The following SLCO3A1 variants were observed in gnomAD, a reference collection of about 807,000 sequenced individuals.
SLCO3A1 encodes solute carrier organic anion transporter family member 3A1.
Under a neutral mutation model 63.1 loss-of-function variants are expected in SLCO3A1, and 27 were observed. That is an observed-to-expected ratio of 0.43 (90% CI 0.32 to 0.59). The LOEUF (loss-of-function observed/expected upper bound fraction) is 0.59. Among genes scored for constraint, SLCO3A1 ranks in the 20% least tolerant of loss-of-function variants. The pLI, the probability that SLCO3A1 is intolerant of heterozygous loss-of-function variation, is 0.09. For synonymous variants in SLCO3A1, 473 were observed against 409.9 expected (o/e 1.15, Z -1.86); for missense variants, 773 against 945.8 (o/e 0.82, Z 2.40).
chr15:92,071,897 C>T (rs2047219952), intron 2 of SLCO3A1, among the ~76,000 whole-genome samples: 1 of 152,208 alleles, frequency 6.6e-6, no homozygotes, highest in South Asian at 2.1e-4. Context: ...GCGTGATGAG[C>T]TCTTGTTCCT....
chr15:92,135,904 G>A (rs2048051337), intron 7 of SLCO3A1, among the ~76,000 whole-genome samples: 2 of 152,154 alleles, frequency 1.3e-5, no homozygotes, highest in South Asian at 4.1e-4. Context: ...ATGGTGGCAT[G>A]CCTCTGTAAT....
At chr15:92,095,751 G>A (rs1391839384) in intron 3 of SLCO3A1, among the ~76,000 whole-genome samples, 10 of 152,114 alleles carry the variant, frequency 6.6e-5, no homozygotes, top group Admixed American at 5.2e-4. Context: ...TTGGCTCATC[G>A]TGGTGACCTG....
At chr15:92,154,770 G>A (rs1192187658) in intron 9 of SLCO3A1, among the ~76,000 whole-genome samples, 1 of 152,166 alleles carries the variant, frequency 6.6e-6, no homozygotes, top group Non-Finnish European at 1.5e-5. Flanking sequence ...TGGAGTAGAA[G>A]CAGGAGTGTG....
chr15:91,964,742 AG>A (rs1210753993), intron 2 of SLCO3A1, among the ~76,000 whole-genome samples: 213 of 150,966 alleles, frequency 1.4e-3, no homozygotes, highest in African/African-American at 5.0e-3. Context: ...AAAATTAGAT[AG>A]TTTTTTTTTT....
At chr15:92,058,797 T>G (rs1401652236) in intron 2 of SLCO3A1, among the ~76,000 whole-genome samples, 1 of 152,116 alleles carries the variant, frequency 6.6e-6, no homozygotes, top group East Asian at 1.9e-4. Flanking sequence ...TAAGGAAGAA[T>G]CTGTGCCTGC....
At chr15:91,905,085 A>T (rs1007641591) in intron 1 of SLCO3A1, among the ~76,000 whole-genome samples, 3 of 152,192 alleles carry the variant, frequency 2.0e-5, no homozygotes, top group Non-Finnish European at 4.4e-5. Context: ...CATTGCTCTC[A>T]CATGGCTGCA....
At chr15:92,071,411 G>A (rs1278828160) in intron 2 of SLCO3A1, among the ~76,000 whole-genome samples, 1 of 152,196 alleles carries the variant, frequency 6.6e-6, no homozygotes, top group African/African-American at 2.4e-5. Flanking sequence ...TCTGCATGCT[G>A]GGCTGTAGTT....
intron 2 of SLCO3A1, among the ~76,000 whole-genome samples, chr15:91,933,774 G>C (rs1163665875): frequency 2.0e-5 from 3 of 152,192 alleles, no homozygotes; most frequent in Admixed American, 6.5e-5. Context: ...GAGAGGTTGG[G>C]TAACTTGCCC....
Position 92,164,887 on chromosome 15 carries a change from G to A in SLCO3A1, c.*1752G>A, listed in dbSNP as rs2048480468. The A allele has an allele frequency of 1.7e-5, 17 of 985,240 alleles. No individual in the cohort carries two copies. The highest frequency in any genetic ancestry group is 2.0e-5 in the Non-Finnish European group (17 of 829,936). 61.0% of individuals were successfully genotyped at this position (985,240 alleles called of 1,614,324 possible). On this transcript the variant is annotated 3_prime_UTR_variant, in exon 10 of 10. Coordinates refer to ENST00000318445, the MANE Select transcript of SLCO3A1 (RefSeq NM_013272.4). Reference sequence around the variant, plus strand: ...CACACTCATACACACACAACAAAGGGCCCTGCTAACTTACTCCTCATGCTG... The same window carrying A: ...CACACTCATACACACACAACAAAGGACCCTGCTAACTTACTCCTCATGCTG...
intron 9 of SLCO3A1, among the ~76,000 whole-genome samples, chr15:92,152,562 A>T (rs1377107276): frequency 8.5e-5 from 13 of 152,242 alleles, no homozygotes; most frequent in Non-Finnish European, 1.8e-4. Context: ...GCATGCAGAA[A>T]TACCAAGGCA....
rs1399251539 is a variant in SLCO3A1 at position 91,854,031 on chromosome 15, C to T, written c.123C>T (p.Ile41=). The T allele has an allele frequency of 6.5e-7, 1 of 1,543,814 alleles. No individual in the cohort carries two copies. Among genetic ancestry groups the T allele is most frequent in the South Asian group, 1.2e-5 (1 of 84,706 alleles). ...TGTCCTGCTTTTCCAACATCAAGAT[C>T]TTCCTGGTGTCCGAGTGCGCCCTGA... ...KKVSCFSNIK[I]FLVSECALML... Residue 41 remains isoleucine (I), a synonymous_variant, in exon 1 of 10, where the codon ATC becomes ATT. Transcript: ENST00000318445. The surrounding 1 kb of genome is among the most constrained non-coding windows in gnomAD (Gnocchi z 6.4).
intron 2 of SLCO3A1, among the ~76,000 whole-genome samples, chr15:91,996,992 A>G (rs1465139222): frequency 1.3e-5 from 2 of 152,230 alleles, no homozygotes; most frequent in African/African-American, 4.8e-5. Flanking sequence ...ACAAGAGAGG[A>G]AGTCCTAGCC....
intron 2 of SLCO3A1, among the ~76,000 whole-genome samples, chr15:91,952,806 C>A (rs1411138691): frequency 1.3e-5 from 2 of 152,174 alleles, no homozygotes; most frequent in Non-Finnish European, 2.9e-5. Flanking sequence ...TCGTACATTT[C>A]CTCCTGCCCC....
At chr15:91,920,604 G>T (rs1898811110) in intron 2 of SLCO3A1, among the ~76,000 whole-genome samples, 1 of 152,224 alleles carries the variant, frequency 6.6e-6, no homozygotes, top group Non-Finnish European at 1.5e-5. Flanking sequence ...AGGAGCAACT[G>T]ATCTGTTGCA....
chr15:91,874,333 G>A (rs1043942842), intron 1 of SLCO3A1, among the ~76,000 whole-genome samples: 4 of 152,056 alleles, frequency 2.6e-5, no homozygotes, highest in Admixed American at 6.5e-5. Flanking sequence ...TATTCACAAC[G>A]TTGTGCAACT....
At chr15:92,012,547 T>G (rs1395550608) in intron 2 of SLCO3A1, among the ~76,000 whole-genome samples, 4 of 152,076 alleles carry the variant, frequency 2.6e-5, no homozygotes, top group Non-Finnish European at 5.9e-5. Flanking sequence ...CTGACCACAT[T>G]GCTCTAGAAA....
Position 91,912,575 on chromosome 15 carries a change from A to G in SLCO3A1, c.181-3418A>G, listed in dbSNP as rs1396345123. On this transcript the variant is annotated intron_variant, in intron 1 of 9. Coordinates refer to ENST00000318445, the MANE Select transcript of SLCO3A1 (RefSeq NM_013272.4). The surrounding 1 kb of genome is among the most constrained non-coding windows in gnomAD (Gnocchi z 5.0). ...ATCTGTCATCAATGTGCACACCTGC[A>G]TGATATTTTATGACACAGCACACCT... Among the ~76,000 whole-genome samples, 1 of 152,222 alleles carries G rather than the reference A, an allele frequency of 6.6e-6. No homozygotes were observed. Among genetic ancestry groups the G allele is most frequent in the Non-Finnish European group, 1.5e-5 (1 of 68,034 alleles).
chr15:92,154,226 A>G (rs1596152735), intron 9 of SLCO3A1, among the ~76,000 whole-genome samples: 2 of 152,266 alleles, frequency 1.3e-5, no homozygotes, highest in Admixed American at 1.3e-4. Flanking sequence ...AAGTGGAAGC[A>G]TAAGAACTGG....
chr15:91,913,182 T>C (rs1485269406), intron 1 of SLCO3A1, among the ~76,000 whole-genome samples: 1 of 152,236 alleles, frequency 6.6e-6, no homozygotes, highest in Non-Finnish European at 1.5e-5. Flanking sequence ...TAACTAGGGC[T>C]GAGTGATCTG....
Sources: gnomAD v4.1 joint callset for allele counts (sites outside exome capture counted in the v4.1 genomes callset) on GRCh38, gnomAD v4.1.1 for gene constraint, Gnocchi (gnomAD v3.1) non-coding constraint, MANE v1.5 for transcripts, NCBI Gene and HGNC (gene_info 2026-07-23, HGNC 2026-07-21) for gene names.